Variants in MSRA observed in about 807,000 individuals in gnomAD.
The protein encoded by MSRA is methionine sulfoxide reductase A.
Under a neutral mutation model 31.3 loss-of-function variants are expected in MSRA, and 54 were observed. The observed-to-expected ratio is 1.73, with a 90% CI of 1.39 to 2.17. The LOEUF is 2.17. Among genes scored for constraint, MSRA ranks in the 30% most tolerant of loss-of-function variants. The pLI is 0.00. For missense variants in MSRA, 507 were observed against 300.9 expected, an observed-to-expected ratio of 1.69 and a Z score of -5.07; for synonymous variants, 169 against 116.5, an observed-to-expected ratio of 1.45 and a Z score of -2.90.
intron 5 of MSRA, among the ~76,000 whole-genome samples, chr8:10,423,088 AGTT>A (rs1808911895): frequency 6.6e-6 from 1 of 152,144 alleles, no homozygotes; most frequent in Non-Finnish European, 1.5e-5. Flanking sequence ...TGATGTGGGC[AGTT>A]GTCTCGGCAG....
chr8:10,381,160 C>T (rs1008182560), intron 5 of MSRA, among the ~76,000 whole-genome samples: 1 of 152,178 alleles, frequency 6.6e-6, no homozygotes, highest in Non-Finnish European at 1.5e-5. Flanking sequence ...TCTCCCAAAC[C>T]TTTCCCCTCT....
At chr8:10,405,375 C>G (rs891721543) in intron 5 of MSRA, among the ~76,000 whole-genome samples, 1 of 152,180 alleles carries the variant, frequency 6.6e-6, no homozygotes, top group African/African-American at 2.4e-5. Flanking sequence ...GCCAAGACAG[C>G]CAGATGAGGG....
chr8:10,149,123 CTT>C (rs35648929), intron 1 of MSRA, among the ~76,000 whole-genome samples: 501 of 141,328 alleles, frequency 3.5e-3, no homozygotes, highest in Admixed American at 3.7e-3. Flanking sequence ...ACCTGGCTAA[CTT>C]TTTTTTTTTT....
intron 2 of MSRA, among the ~76,000 whole-genome samples, chr8:10,217,917 C>T (rs1206586765): frequency 6.6e-6 from 1 of 151,802 alleles, no homozygotes; most frequent in Non-Finnish European, 1.5e-5. Context: ...GTAAGTTCAC[C>T]CTTCTTTCTC....
intron 2 of MSRA, among the ~76,000 whole-genome samples, chr8:10,226,360 A>T (rs937266352): frequency 6.6e-6 from 1 of 152,216 alleles, no homozygotes; most frequent in East Asian, 1.9e-4. Flanking sequence ...CAAGAATGCT[A>T]AGAAGAGGGT....
At chr8:10,207,983 G>C (rs1563219461) in intron 2 of MSRA, 82 bp downstream of exon 2, 3 of 1,124,978 alleles carry the variant, frequency 2.7e-6, no homozygotes, top group East Asian at 2.5e-5. Flanking sequence ...AGTGTTCTCA[G>C]GGCTTCAAAA....
At chr8:10,280,203 G>T (rs1240585082) in intron 3 of MSRA, among the ~76,000 whole-genome samples, 3 of 150,770 alleles carry the variant, frequency 2.0e-5, no homozygotes, top group Non-Finnish European at 4.4e-5. Context: ...TTTTTTTTCT[G>T]ATCAATTTTT....
chr8:10,138,607 A>G (rs945093667), intron 1 of MSRA, among the ~76,000 whole-genome samples: 1 of 152,126 alleles, frequency 6.6e-6, no homozygotes, highest in Non-Finnish European at 1.5e-5. Flanking sequence ...AATATTTCCT[A>G]TTTTCCCATG....
chr8:10,390,332 G>C (rs1806662427), intron 5 of MSRA, among the ~76,000 whole-genome samples: 2 of 152,218 alleles, frequency 1.3e-5, no homozygotes, highest in South Asian at 4.1e-4. Flanking sequence ...CAGTTATCTG[G>C]TAATGAGTGC....
intron 1 of MSRA, among the ~76,000 whole-genome samples, chr8:10,181,650 G>T (rs1433193748): frequency 6.6e-6 from 1 of 152,180 alleles, no homozygotes; most frequent in Admixed American, 6.5e-5. Context: ...GGAGCCCAGA[G>T]AGAGGGCAAG....
rs188875833 is a variant in MSRA at position 10,086,779 on chromosome 8, C to G, written c.142+32121C>G. On this transcript the variant is annotated intron_variant, in intron 1 of 5. Transcript: ENST00000317173. The stretch of plus-strand genomic sequence containing the variant: ...ATAAATCAATGAATGCAAGTAATGA[C>G]TATGTATATACTAGTGGAGAAGGAA... 9.8e-4 allele frequency among the ~76,000 whole-genome samples: 146 copies of G among 149,374 alleles called. 1 individual carries two copies. The highest frequency in any genetic ancestry group is 3.4e-3 in the Middle Eastern group (1 of 292).
intron 3 of MSRA, among the ~76,000 whole-genome samples, chr8:10,274,555 A>G (rs1001104193): frequency 6.6e-6 from 1 of 152,186 alleles, no homozygotes; most frequent in Admixed American, 6.5e-5. Context: ...TGGAGAAGTT[A>G]TGGACTTTTC....
intron 4 of MSRA, among the ~76,000 whole-genome samples, chr8:10,317,676 CAACACTGA>C (rs1203895633): frequency 6.6e-6 from 1 of 152,194 alleles, no homozygotes; most frequent in African/African-American, 2.4e-5. Flanking sequence ...TCTTTCCACT[CAACACTGA>C]AAGTCCACTG....
At chr8:10,178,637 A>C (rs1244764061) in intron 1 of MSRA, among the ~76,000 whole-genome samples, 13 of 152,222 alleles carry the variant, frequency 8.5e-5, no homozygotes, top group Admixed American at 8.5e-4. Context: ...TTGACTTTGC[A>C]TAGACATCAG....
chr8:10,398,940 G>A (rs751347903), intron 5 of MSRA, among the ~76,000 whole-genome samples: 3 of 152,220 alleles, frequency 2.0e-5, no homozygotes, highest in Non-Finnish European at 4.4e-5. Flanking sequence ...CCTATCGAGA[G>A]AGGCAGATGC....
At chr8:10,346,169 G>A (rs1286726145) in intron 5 of MSRA, among the ~76,000 whole-genome samples, 1 of 152,194 alleles carries the variant, frequency 6.6e-6, no homozygotes, top group Non-Finnish European at 1.5e-5. Flanking sequence ...TATGGGCAAA[G>A]GCTGAGTGAC....
chr8:10,416,581 A>T (rs1808473224), intron 5 of MSRA, among the ~76,000 whole-genome samples: 1 of 152,176 alleles, frequency 6.6e-6, no homozygotes. Flanking sequence ...CCTGGAGACC[A>T]CCCATGTGAC....
At chr8:10,278,081 A>T (rs1156697323) in intron 3 of MSRA, among the ~76,000 whole-genome samples, 1 of 152,010 alleles carries the variant, frequency 6.6e-6, no homozygotes, top group East Asian at 1.9e-4. Context: ...TAAACACTTT[A>T]TTATCACTTG....
chr8:10,245,538 G>C (rs1797578515), intron 3 of MSRA, among the ~76,000 whole-genome samples: 1 of 152,208 alleles, frequency 6.6e-6, no homozygotes, highest in Non-Finnish European at 1.5e-5. Flanking sequence ...TGGTTCTTCT[G>C]TTAGCCTCAC....
Sources: allele counts gnomAD v4.1 joint callset (sites outside exome capture counted in the v4.1 genomes callset), GRCh38; gene constraint gnomAD v4.1.1; transcripts MANE v1.5; gene names NCBI Gene and HGNC (gene_info 2026-07-23, HGNC 2026-07-21).